Variants in ADAMTSL1 observed in about 807,000 individuals in gnomAD.
ADAMTSL1 encodes ADAMTS-like protein 1.
ADAMTSL1 carries 126 observed loss-of-function variants against 201.8 expected under a neutral mutation model. The observed-to-expected ratio is 0.62, with a 90% CI of 0.54 to 0.72. The LOEUF (loss-of-function observed/expected upper bound fraction) is 0.72, where lower values mean the gene tolerates loss of function less well. Among genes scored for constraint, ADAMTSL1 ranks in the 30% least tolerant of loss-of-function variants. The pLI is 0.00. For synonymous variants in ADAMTSL1, 1,121 were observed against 903.4 expected (o/e 1.24, Z -4.32); for missense variants, 2,679 against 2,277.8 (o/e 1.18, Z -3.59).
At chr9:18,316,865 G>C (rs1053931976) in intron 2 of ADAMTSL1, among the ~76,000 whole-genome samples, 1 of 152,036 alleles carries the variant, frequency 6.6e-6, no homozygotes, top group Non-Finnish European at 1.5e-5. Context: ...CAGTCCCTCC[G>C]TTTGGGGTCC....
intron 4 of ADAMTSL1, among the ~76,000 whole-genome samples, chr9:18,610,744 A>T (rs1825315271): frequency 6.6e-6 from 1 of 152,178 alleles, no homozygotes; most frequent in African/African-American, 2.4e-5. Context: ...TTGTTTGGGG[A>T]CATAGATAAA....
rs117727325 is a variant in ADAMTSL1 at position 18,173,237 on chromosome 9, C to T, written c.207+9256C>T. On this transcript the variant is annotated intron_variant, in intron 2 of 29. Transcript: ENST00000680146. ...AATAAATGGTAACTGTTTTTATTAG[C>T]AGTGGTTGAACTGGAAAATCACTGA... 2.7e-4 allele frequency among the ~76,000 whole-genome samples: 41 copies of T among 152,148 alleles called. 1 individual carries two copies. The East Asian group carries it at 4.6e-3, about 17-fold the overall frequency.
At chr9:18,684,845 G>T in intron 13 of ADAMTSL1, 45 bp downstream of exon 13, 1 of 1,562,352 alleles carries the variant, frequency 6.4e-7, no homozygotes, top group Non-Finnish European at 8.7e-7. Flanking sequence ...AAACTGTTTT[G>T]TTTAAAGAAA....
At chr9:18,852,279 C>T (rs1287814872) in intron 23 of ADAMTSL1, among the ~76,000 whole-genome samples, 1 of 152,198 alleles carries the variant, frequency 6.6e-6, no homozygotes, top group Non-Finnish European at 1.5e-5. Context: ...GAGGCAATAA[C>T]TGCATATACC....
chr9:18,104,778 T>G (rs1339030510), intron 1 of ADAMTSL1, among the ~76,000 whole-genome samples: 1 of 152,188 alleles, frequency 6.6e-6, no homozygotes, highest in Non-Finnish European at 1.5e-5. Context: ...AGCTGAAATG[T>G]AATCAGTTAT....
At chr9:18,355,822 CACA>C (rs945107119) in intron 2 of ADAMTSL1, among the ~76,000 whole-genome samples, 1 of 152,178 alleles carries the variant, frequency 6.6e-6, no homozygotes, top group African/African-American at 2.4e-5. Flanking sequence ...GCCTAGGCAA[CACA>C]ACAAGACCCT....
At chr9:18,335,528 C>T (rs1195680755) in intron 2 of ADAMTSL1, among the ~76,000 whole-genome samples, 1 of 152,068 alleles carries the variant, frequency 6.6e-6, no homozygotes, top group African/African-American at 2.4e-5. Flanking sequence ...TTATTGTAAC[C>T]TAGTTTTCTG....
At chr9:18,150,095 T>G (rs868788678) in intron 1 of ADAMTSL1, among the ~76,000 whole-genome samples, 20 of 152,132 alleles carry the variant, frequency 1.3e-4, no homozygotes, top group Non-Finnish European at 2.2e-4. Context: ...AATAGGCAAT[T>G]GGGGATATAG....
intron 1 of ADAMTSL1, among the ~76,000 whole-genome samples, chr9:17,940,613 T>C (rs1827196525): frequency 6.6e-6 from 1 of 151,456 alleles, no homozygotes; most frequent in Admixed American, 6.6e-5. Flanking sequence ...AAATGCAAGA[T>C]GGGAGCCAAA....
At chr9:17,986,380 G>C (rs1818930141) in intron 1 of ADAMTSL1, among the ~76,000 whole-genome samples, 1 of 151,992 alleles carries the variant, frequency 6.6e-6, no homozygotes, top group African/African-American at 2.4e-5. Context: ...CATGGCAGAA[G>C]TCCAGGACTT....
intron 19 of ADAMTSL1, among the ~76,000 whole-genome samples, chr9:18,781,626 A>C (rs1446885632): frequency 6.6e-6 from 1 of 152,102 alleles, no homozygotes; most frequent in Non-Finnish European, 1.5e-5. Context: ...CATCATTACT[A>C]TGTCTGGTAG....
chr9:18,473,285 T>A (rs1821291239), upstream of ADAMTSL1, among the ~76,000 whole-genome samples: 1 of 152,220 alleles, frequency 6.6e-6, no homozygotes, highest in Non-Finnish European at 1.5e-5. Flanking sequence ...GTGGCTAAAA[T>A]AGATAGTTGA....
intron 2 of ADAMTSL1, among the ~76,000 whole-genome samples, chr9:18,317,324 G>A (rs1834442864): frequency 6.6e-6 from 1 of 151,932 alleles, no homozygotes; most frequent in Non-Finnish European, 1.5e-5. Context: ...GTACAGCATG[G>A]TGACTTTTAT....
chr9:18,673,557 T>C (rs558080241), intron 9 of ADAMTSL1, among the ~76,000 whole-genome samples: 2 of 152,358 alleles, frequency 1.3e-5, no homozygotes, highest in African/African-American at 4.8e-5. Context: ...CAAAGCAAAG[T>C]TCAACGTCTT....
chr9:18,653,132 C>T (rs1337972632), intron 7 of ADAMTSL1, among the ~76,000 whole-genome samples: 2 of 152,194 alleles, frequency 1.3e-5, no homozygotes, highest in Non-Finnish European at 2.9e-5. Context: ...AGATTTCACA[C>T]ATTATTTTGC....
chr9:17,977,983 G>C lies in ADAMTSL1; in HGVS notation c.87+71061G>C, dbSNP rs753894906. ...TAATATTTGCTTTATATTCATATGG[G>C]TGCTTCAGTGTGTTGGATATGATTG... is the stretch of plus-strand genomic sequence containing the variant. On this transcript the variant is annotated intron_variant, in intron 1 of 29. Transcript: ENST00000680146. Among the ~76,000 whole-genome samples, 8 of 151,852 alleles carry C rather than the reference G, an allele frequency of 5.3e-5. No homozygotes were observed. In the South Asian group the frequency reaches 8.3e-4, roughly 16 times the overall value.
intron 1 of ADAMTSL1, among the ~76,000 whole-genome samples, chr9:17,933,453 A>T (rs960315781): frequency 7.2e-5 from 11 of 152,144 alleles, no homozygotes; most frequent in African/African-American, 2.7e-4. Flanking sequence ...GAGTCTCATC[A>T]GTCTACCACA....
At chr9:17,921,639 C>T (rs1485680898) in intron 1 of ADAMTSL1, among the ~76,000 whole-genome samples, 1 of 152,090 alleles carries the variant, frequency 6.6e-6, no homozygotes, top group African/African-American at 2.4e-5. Flanking sequence ...CAGAGACTGA[C>T]ACTTTTTATT....
intron 1 of ADAMTSL1, among the ~76,000 whole-genome samples, chr9:18,144,160 C>T (rs1278632448): frequency 6.6e-6 from 1 of 151,854 alleles, no homozygotes; most frequent in African/African-American, 2.4e-5. Context: ...CTATGGGATA[C>T]ACTTTGCATG....
Sources: gnomAD v4.1 joint callset for allele counts (sites outside exome capture counted in the v4.1 genomes callset) on GRCh38, gnomAD v4.1.1 for gene constraint, MANE v1.5 for transcripts, NCBI Gene and HGNC (gene_info 2026-07-23, HGNC 2026-07-21) for gene names.